Variants in MCMDC2 observed in about 807,000 individuals in gnomAD.
The protein encoded by MCMDC2 is minichromosome maintenance domain-containing protein 2.
MCMDC2 carries 54 observed loss-of-function variants against 75.8 expected under a neutral mutation model. That is an observed-to-expected ratio of 0.71 (90% confidence interval 0.57 to 0.89). The LOEUF (loss-of-function observed/expected upper bound fraction) is 0.89. MCMDC2 is among the 40% of genes least tolerant of loss of function. MCMDC2 has a pLI of 0.00. For synonymous variants in MCMDC2, 249 were observed against 274.6 expected (o/e 0.91, Z 0.92); for missense variants, 656 against 780.4 (o/e 0.84, Z 1.90).
Position 66,883,685 on chromosome 8 carries a change from G to A in MCMDC2, c.836-72G>A, listed in dbSNP as rs1280277112. The stretch of plus-strand genomic sequence containing the variant: ...ATAATTTGATAACATTTTAGATAAA[G>A]GGAGTCAAATATCTATAATGTTGTC... On this transcript the variant is annotated intron_variant, in intron 8 of 14. Coordinates refer to ENST00000422365, the MANE Select transcript of MCMDC2 (RefSeq NM_173518.5). The A allele has an allele frequency of 7.8e-6, 6 of 767,182 alleles. No homozygotes were observed. In the African/African-American group the frequency reaches 1.1e-4, roughly 14 times the overall value. The allele number at this position is 767,182 out of a possible 1,614,324, so 47.5% of individuals were successfully genotyped here.
In MCMDC2 at chr8:66,912,289, A is replaced by G. The variant is rs1407472580; in HGVS notation, c.1880-6714A>G. On this transcript the variant is annotated intron_variant, in intron 14 of 14. Coordinates refer to ENST00000422365, the MANE Select transcript of MCMDC2 (RefSeq NM_173518.5). ...AAGTGGAACCTGAAGATGTGACTTAATTGCTATAGACTGATGATCAAACAT... is the reference window on the plus strand; with the variant it reads ...AAGTGGAACCTGAAGATGTGACTTAGTTGCTATAGACTGATGATCAAACAT... Among the ~76,000 whole-genome samples, 3 of 152,196 alleles carry G rather than the reference A, an allele frequency of 2.0e-5. No individual in the cohort carries two copies. In the East Asian group the frequency reaches 5.8e-4, roughly 29 times the overall value.
At position 66,883,869 on chromosome 8, in the gene MCMDC2, T is replaced by A; in HGVS notation, c.948T>A (p.Pro316=). Residue 316 remains proline (P), a synonymous_variant, in exon 9 of 15, where the codon CCT becomes CCA. Coordinates refer to ENST00000422365, the MANE Select transcript of MCMDC2 (RefSeq NM_173518.5). ...TCTTTGCATCACAAATTACCCCTCC[T>A]GGGACTTACAATTTGCTCAAGCTCT... is the stretch of plus-strand genomic sequence containing the variant. ...ANIFASQITP[P]GTYNLLKLCL... is the part of the protein sequence containing the mutation. 1.2e-6 allele frequency: 2 copies of A among 1,614,020 alleles called. No individual in the cohort carries two copies. Among genetic ancestry groups the A allele is most frequent in the Non-Finnish European group, 1.7e-6 (2 of 1,179,926 alleles).
At position 66,919,786 on chromosome 8, in the gene MCMDC2, T is replaced by C. The variant is rs1813449536; in HGVS notation, c.*617T>C. The C allele has an allele frequency of 6.6e-6, 1 of 152,258 alleles. No homozygotes were observed. Among genetic ancestry groups the C allele is most frequent in the Admixed American group, 6.5e-5 (1 of 15,280 alleles). 9.4% of individuals were successfully genotyped at this position (152,258 alleles called of 1,614,324 possible). On this transcript the variant is annotated 3_prime_UTR_variant, in exon 15 of 15. Transcript: ENST00000422365. ...ACGCTAGGTTAAATGAAAAAAATAC[T>C]TTACACGGAAACAAGGAGCCAATAA...
intron 1 of MCMDC2, among the ~76,000 whole-genome samples, chr8:66,873,312 G>A (rs1563672547): frequency 6.6e-6 from 1 of 152,130 alleles, no homozygotes; most frequent in Non-Finnish European, 1.5e-5. Context: ...AGCCAAGAGA[G>A]GTCAGATGAT....
At chr8:66,873,358 C>T (rs972851930) in intron 1 of MCMDC2, among the ~76,000 whole-genome samples, 8 of 152,268 alleles carry the variant, frequency 5.3e-5, no homozygotes, top group African/African-American at 1.9e-4. Context: ...GGGTCTAGAA[C>T]CAAGTTCTCA....
At chr8:66,882,820 A>G (rs1811654940) in intron 8 of MCMDC2, among the ~76,000 whole-genome samples, 1 of 152,216 alleles carries the variant, frequency 6.6e-6, no homozygotes, top group African/African-American at 2.4e-5. Flanking sequence ...GAAAGCACTG[A>G]TGAATTATAG....
chr8:66,881,484 C>A (rs1266267696), intron 8 of MCMDC2, among the ~76,000 whole-genome samples: 1 of 152,100 alleles, frequency 6.6e-6, no homozygotes, highest in Admixed American at 6.5e-5. Context: ...GTCAGGAGTT[C>A]AAGACCAGCC....
intron 9 of MCMDC2, among the ~76,000 whole-genome samples, chr8:66,889,615 T>C (rs1011427540): frequency 6.6e-6 from 1 of 151,976 alleles, no homozygotes; most frequent in Admixed American, 6.6e-5. Context: ...CTGGGCAACA[T>C]GGTGAAACCC....
At chr8:66,892,583 G>A (rs945023866) in intron 10 of MCMDC2, among the ~76,000 whole-genome samples, 2 of 152,194 alleles carry the variant, frequency 1.3e-5, no homozygotes, top group African/African-American at 4.8e-5. Context: ...TGAGTCTGGG[G>A]TTTTTATGGG....
chr8:66,909,590 G>T (rs1366221833), intron 14 of MCMDC2, among the ~76,000 whole-genome samples: 1 of 152,202 alleles, frequency 6.6e-6, no homozygotes, highest in Admixed American at 6.5e-5. Flanking sequence ...CTCTTGCTGT[G>T]CTTTACAAAG....
intron 12 of MCMDC2, 56 bp downstream of exon 12, chr8:66,897,015 T>G: frequency 6.8e-7 from 1 of 1,465,616 alleles, no homozygotes; most frequent in South Asian, 1.3e-5. Context: ...TCTCAAATTA[T>G]ATAGAAGTCC....
chr8:66,910,155 T>C (rs921693450), intron 14 of MCMDC2, among the ~76,000 whole-genome samples: 6 of 152,202 alleles, frequency 3.9e-5, no homozygotes, highest in African/African-American at 1.2e-4. Flanking sequence ...TGTGTGGATA[T>C]CCCTGCAGAA....
At chr8:66,890,127 A>C (rs1480454955) in intron 9 of MCMDC2, among the ~76,000 whole-genome samples, 3 of 152,042 alleles carry the variant, frequency 2.0e-5, no homozygotes, top group African/African-American at 7.2e-5. Context: ...AGTGCAGTGA[A>C]GTGATCTCGG....
rs560442920 is a variant in MCMDC2 at position 66,901,660 on chromosome 8, G to A, written c.1769+312G>A. The A allele has an allele frequency of 4.0e-5, 42 of 1,050,132 alleles. 1 individual carries two copies. The South Asian group carries it at 1.4e-3, about 34-fold the overall frequency. 65.1% of individuals were successfully genotyped at this position (1,050,132 alleles called of 1,614,324 possible). Reference sequence around the variant, plus strand: ...AAAAATGTGGCTGTTGGGCGGGCACGGTGGCTCACACCTGTAATCCCAGCA... The same window carrying A: ...AAAAATGTGGCTGTTGGGCGGGCACAGTGGCTCACACCTGTAATCCCAGCA... On this transcript the variant is annotated intron_variant, in intron 13 of 14. Coordinates refer to ENST00000422365, the MANE Select transcript of MCMDC2 (RefSeq NM_173518.5).
intron 12 of MCMDC2, among the ~76,000 whole-genome samples, chr8:66,898,725 G>T (rs1279435156): frequency 6.6e-6 from 1 of 152,026 alleles, no homozygotes; most frequent in African/African-American, 2.4e-5. Flanking sequence ...CAGAAAGGAA[G>T]ATACCCATGT....
intron 14 of MCMDC2, among the ~76,000 whole-genome samples, chr8:66,917,940 A>G (rs1048067617): frequency 1.3e-5 from 2 of 152,210 alleles, no homozygotes; most frequent in African/African-American, 4.8e-5. Flanking sequence ...AAAGTGCTGT[A>G]TCATACAGTA....
chr8:66,875,383 A>G (rs371654909), intron 4 of MCMDC2, among the ~76,000 whole-genome samples: 293 of 152,002 alleles, frequency 1.9e-3, no homozygotes, highest in African/African-American at 6.7e-3. Context: ...GGATTCAAGC[A>G]ATTCTCCTGC....
In MCMDC2 at chr8:66,919,198, A is replaced by C; in HGVS notation, c.*29A>C. 1 of 1,517,780 alleles carries C rather than the reference A, an allele frequency of 6.6e-7. No individual in the cohort carries two copies. Among genetic ancestry groups the C allele is most frequent in the Non-Finnish European group, 8.8e-7 (1 of 1,129,962 alleles). The allele number at this position is 1,517,780 out of a possible 1,614,324, so 94.0% of individuals were successfully genotyped here. A position where few individuals can be genotyped will look rare whatever the true frequency, so the allele number is the denominator to read the frequency against. ...ATTTGAGGAATTTTTGTTCATTCCT[A>C]CTTAAGCAGTGGAGAAAAAGTGTGA... On this transcript the variant is annotated 3_prime_UTR_variant, in exon 15 of 15. Coordinates refer to ENST00000422365, the MANE Select transcript of MCMDC2 (RefSeq NM_173518.5).
chr8:66,888,730 G>C (rs775669043), intron 9 of MCMDC2, among the ~76,000 whole-genome samples: 1 of 152,190 alleles, frequency 6.6e-6, no homozygotes, highest in Non-Finnish European at 1.5e-5. Flanking sequence ...GTGACCTTCT[G>C]TGTATCAGTA....
Sources: gnomAD v4.1 joint callset for allele counts (sites outside exome capture counted in the v4.1 genomes callset) on GRCh38, gnomAD v4.1.1 for gene constraint, MANE v1.5 for transcripts, NCBI Gene and HGNC (gene_info 2026-07-23, HGNC 2026-07-21) for gene names.